TTC34: variants seen among roughly 807,000 people sequenced by gnomAD.
The protein encoded by TTC34 is tetratricopeptide repeat protein 34.
Under a neutral mutation model 40.7 loss-of-function variants are expected in TTC34, and 44 were observed. That is an observed-to-expected ratio of 1.08 (90% confidence interval 0.85 to 1.39). TTC34 has a LOEUF of 1.39. Ranked by LOEUF, TTC34 falls within the 40% of genes most tolerant of loss-of-function variation. The pLI is 0.00. For synonymous variants in TTC34, 422 were observed against 398.6 expected, an observed-to-expected ratio of 1.06 and a Z score of -0.70; for missense variants, 884 against 838.0, an observed-to-expected ratio of 1.05 and a Z score of -0.68.
At chr1:2,794,682 T>C (rs1408397852) in intron 2 of TTC34, among the ~76,000 whole-genome samples, 1 of 152,208 alleles carries the variant, frequency 6.6e-6, no homozygotes, top group East Asian at 1.9e-4. Flanking sequence ...TAATTGATTT[T>C]AAATGGAAGG....
chr1:2,792,387 G>C (rs1643673338), intron 2 of TTC34, among the ~76,000 whole-genome samples: 1 of 152,092 alleles, frequency 6.6e-6, no homozygotes, highest in Admixed American at 6.5e-5. Flanking sequence ...TCAGTTTTTA[G>C]GGATTTCTTT....
intron 6 of TTC34, among the ~76,000 whole-genome samples, chr1:2,755,795 C>A (rs1441480505): frequency 2.3e-5 from 3 of 130,626 alleles, no homozygotes; most frequent in Admixed American, 7.9e-5. Flanking sequence ...CCCAGGTGAG[C>A]ATCTGATGGT....
At chr1:2,666,005 C>A (rs1570777597) in intron 6 of TTC34, among the ~76,000 whole-genome samples, 1 of 44,248 alleles carries the variant, frequency 2.3e-5, no homozygotes, top group Non-Finnish European at 5.5e-5. Flanking sequence ...AAGAGCACCC[C>A]ACATCACCGG....
At chr1:2,652,769 C>T (rs77879867) in intron 6 of TTC34, among the ~76,000 whole-genome samples, 1 of 150,126 alleles carries the variant, frequency 6.7e-6, no homozygotes, top group Non-Finnish European at 1.5e-5. Context: ...CCCTGCACCC[C>T]CAGGTGAGCA....
chr1:2,641,338 T>G, exon 9 of TTC34: 1 of 1,459,856 alleles, frequency 6.8e-7, no homozygotes, highest in Non-Finnish European at 9.0e-7. Flanking sequence ...GGTGGCCCCG[T>G]GATTAGGGCT....
Position 2,783,663 on chromosome 1 carries a change from GT to G in TTC34, c.2171del (p.Asn724ThrfsTer15). On this transcript the variant is annotated frameshift_variant, in exon 6 of 9. Transcript: ENST00000401095. LOFTEE classifies it high-confidence loss of function. ...ACGCCCGTCCACACAGTGCCTGCAC[GT>G]TCCCCGGCTCAGCCCGCAGCACTGT... The G allele has an allele frequency of 6.5e-7, 1 of 1,533,178 alleles. No homozygotes were observed. Among genetic ancestry groups the G allele is most frequent in the Non-Finnish European group, 8.8e-7 (1 of 1,136,372 alleles). The allele number at this position is 1,533,178 out of a possible 1,614,324, so 95.0% of individuals were successfully genotyped here. A position where few individuals can be genotyped will look rare whatever the true frequency, so the allele number is the denominator to read the frequency against.
chr1:2,690,254 CT>C (rs1640556463), intron 6 of TTC34, among the ~76,000 whole-genome samples: 1 of 142,028 alleles, frequency 7.0e-6, no homozygotes, highest in Non-Finnish European at 1.5e-5. Flanking sequence ...GAACAGCACC[CT>C]GCACACCCAG....
intron 6 of TTC34, among the ~76,000 whole-genome samples, chr1:2,686,777 G>A (rs367805760): frequency 6.4e-5 from 1 of 15,512 alleles, no homozygotes; most frequent in Non-Finnish European, 1.2e-4. Flanking sequence ...AGGTGAGCAT[G>A]TGACAGCCTG....
chr1:2,662,791 A>AC (rs1329708119), intron 6 of TTC34, among the ~76,000 whole-genome samples: 3 of 25,772 alleles, frequency 1.2e-4, no homozygotes, highest in Admixed American at 3.5e-4. Context: ...CCGTAGCAGC[A>AC]CCCACACCCC....
chr1:2,794,139 G>A (rs941178259), intron 2 of TTC34, among the ~76,000 whole-genome samples: 1 of 152,030 alleles, frequency 6.6e-6, no homozygotes, highest in Admixed American at 6.6e-5. Flanking sequence ...GGGATCACAG[G>A]TATGCACCAC....
At position 2,794,503 on chromosome 1, in the gene TTC34, G is replaced by T. The variant is rs1169168190; in HGVS notation, c.785-4157C>A. On this transcript the variant is annotated intron_variant, in intron 2 of 8. Transcript: ENST00000401095. ...CTACAATGTCTAATACCTTTTTGTT[G>T]CTTCTTTTGGAATTTCTATATACAT... Among the ~76,000 whole-genome samples the T allele has an allele frequency of 2.6e-5, 4 of 151,938 alleles. No homozygotes were observed. In the East Asian group the frequency reaches 7.7e-4, roughly 29 times the overall value.
intron 6 of TTC34, among the ~76,000 whole-genome samples, chr1:2,683,323 A>G (rs1219091681): frequency 2.1e-5 from 3 of 146,020 alleles, no homozygotes; most frequent in African/African-American, 5.2e-5. Flanking sequence ...CCAGGTGAGC[A>G]TCTGACAGAC....
At chr1:2,687,804 C>G (rs112028181) in intron 6 of TTC34, among the ~76,000 whole-genome samples, 1 of 151,072 alleles carries the variant, frequency 6.6e-6, no homozygotes, top group African/African-American at 2.5e-5. Context: ...TCGGCACCCA[C>G]ACCTCCAGGT....
At chr1:2,652,526 T>TGGAGCAGAACCCACACCC (rs1639182178) in intron 6 of TTC34, among the ~76,000 whole-genome samples, 2 of 30,890 alleles carry the variant, frequency 6.5e-5, no homozygotes, top group Non-Finnish European at 6.6e-5. Context: ...CACCCACACC[T>TGGAGCAGAACCCACACCC]CCAGGCGAGC....
intron 6 of TTC34, among the ~76,000 whole-genome samples, chr1:2,697,570 A>T (rs1408190689): frequency 1.3e-5 from 2 of 151,736 alleles, no homozygotes; most frequent in African/African-American, 2.4e-5. Flanking sequence ...CCACACCCCC[A>T]GGTGAGCATC....
At chr1:2,686,550 C>T (rs1216265145) in intron 6 of TTC34, among the ~76,000 whole-genome samples, 7 of 123,684 alleles carry the variant, frequency 5.7e-5, no homozygotes, top group Admixed American at 3.4e-4. Flanking sequence ...CAGCCTGGAA[C>T]AGCACGCACA....
intron 6 of TTC34, among the ~76,000 whole-genome samples, chr1:2,761,969 A>C (rs1641694505): frequency 1.7e-5 from 1 of 60,048 alleles, no homozygotes; most frequent in Non-Finnish European, 3.0e-5. Flanking sequence ...CAGCACACAC[A>C]ACCTTAGGCG....
chr1:2,654,995 C>T (rs1431459891), intron 6 of TTC34, among the ~76,000 whole-genome samples: 266 of 148,108 alleles, frequency 1.8e-3, no homozygotes, highest in Non-Finnish European at 2.6e-3. Context: ...ATCTGACAGC[C>T]TGGAACAGCT....
chr1:2,685,829 G>T (rs1640311616), intron 6 of TTC34, among the ~76,000 whole-genome samples: 2 of 146,928 alleles, frequency 1.4e-5, no homozygotes, highest in South Asian at 2.2e-4. Context: ...GACTGGAACG[G>T]CACCCCCATG....
Sources: allele counts gnomAD v4.1 joint callset (sites outside exome capture counted in the v4.1 genomes callset), GRCh38; gene constraint gnomAD v4.1.1; transcripts MANE v1.5; gene names NCBI Gene and HGNC (gene_info 2026-07-23, HGNC 2026-07-21).